Variants in MAOB observed in about 807,000 individuals in gnomAD.
MAOB encodes the protein amine oxidase [flavin-containing] B.
Under a neutral mutation model 41.9 loss-of-function variants are expected in MAOB, and 15 were observed. The observed-to-expected ratio is 0.36, with a 90% CI of 0.24 to 0.55. The LOEUF is 0.55. Among genes scored for constraint, MAOB ranks in the 20% least tolerant of loss-of-function variants. The pLI is 0.86. For missense variants in MAOB, 345 were observed against 398.7 expected (o/e 0.87, Z 1.15); for synonymous variants, 167 against 144.2 (o/e 1.16, Z -1.13).
intron 1 of MAOB, among the ~76,000 whole-genome samples, chrX:43,861,283 A>G (rs1238439541): frequency 8.9e-6 from 1 of 112,775 alleles, no homozygotes; most frequent in East Asian, 2.8e-4. Context: ...AGAGCAACTC[A>G]TTTTGCAAAG....
At chrX:43,771,894 G>T (rs2034190008) in intron 12 of MAOB, among the ~76,000 whole-genome samples, 1 of 111,831 alleles carries the variant, frequency 8.9e-6, no homozygotes, top group Non-Finnish European at 1.9e-5. Context: ...TTTTGCAGGT[G>T]CGTGAACAGA....
chrX:43,870,049 C>T (rs2035390672), intron 1 of MAOB, among the ~76,000 whole-genome samples: 1 of 112,023 alleles, frequency 8.9e-6, no homozygotes, highest in South Asian at 3.7e-4. Context: ...TGTGAGAAAT[C>T]CTACAGGAAG....
intron 1 of MAOB, among the ~76,000 whole-genome samples, chrX:43,861,856 C>CGTGTGT (rs112289658): frequency 7.1e-4 from 73 of 103,172 alleles, no homozygotes; most frequent in African/African-American, 2.4e-3. Flanking sequence ...CCAGCTGAAA[C>CGTGTGT]GTGTGTGTGT....
chrX:43,793,060 TAAG>T (rs2034482265), intron 8 of MAOB, among the ~76,000 whole-genome samples: 1 of 112,354 alleles, frequency 8.9e-6, no homozygotes, highest in East Asian at 2.8e-4. Flanking sequence ...ACTATTATCC[TAAG>T]TGAATCAATG....
At chrX:43,776,865 G>T (rs1243527010) in intron 11 of MAOB, among the ~76,000 whole-genome samples, 1 of 104,588 alleles carries the variant, frequency 9.6e-6, no homozygotes, top group Non-Finnish European at 1.9e-5. Context: ...GCAGTGTTTG[G>T]TTTTTTGTCC....
At chrX:43,776,675 A>C (rs1446775866) in intron 11 of MAOB, among the ~76,000 whole-genome samples, 1 of 110,418 alleles carries the variant, frequency 9.1e-6, no homozygotes, top group Non-Finnish European at 1.9e-5. Context: ...TTAGTTACAT[A>C]TGTATACATG....
At chrX:43,828,605 T>C (rs569897038) in intron 3 of MAOB, among the ~76,000 whole-genome samples, 4 of 111,604 alleles carry the variant, frequency 3.6e-5, no homozygotes, top group African/African-American at 1.3e-4. Context: ...GTTGAGGGCC[T>C]GCCCCGCAAT....
chrX:43,880,722 T>C (rs1602042422), intron 1 of MAOB, among the ~76,000 whole-genome samples: 1 of 112,215 alleles, frequency 8.9e-6, no homozygotes, highest in East Asian at 2.8e-4. Context: ...GAGTCTAACA[T>C]GAGTAATGTG....
chrX:43,867,389 G>T (rs865798551), intron 1 of MAOB, among the ~76,000 whole-genome samples: 2 of 112,042 alleles, frequency 1.8e-5, no homozygotes, highest in Non-Finnish European at 1.9e-5. Flanking sequence ...CATAGCCCAA[G>T]AAACTAGAAA....
chrX:43,845,474 T>C (rs1235608299), intron 1 of MAOB, among the ~76,000 whole-genome samples: 1 of 111,261 alleles, frequency 9.0e-6, no homozygotes, highest in East Asian at 2.9e-4. Context: ...TACGACCCCA[T>C]GAGATAAGTA....
chrX:43,785,360 A>G (rs1346977636), intron 8 of MAOB, among the ~76,000 whole-genome samples: 2 of 112,113 alleles, frequency 1.8e-5, no homozygotes, highest in African/African-American at 3.2e-5. Context: ...TTCAACTTCA[A>G]TTGAAGAGAG....
Position 43,803,285 on chromosome X carries a change from T to A in MAOB, c.384+15A>T. On this transcript the variant is annotated intron_variant, in intron 4 of 14. Coordinates refer to ENST00000378069, the MANE Select transcript of MAOB (RefSeq NM_000898.5). ...ATTACAAAAAAGAATACAAATATAG[T>A]CAAAGAAGCTTTACCTCTCGCCCCA... is the stretch of plus-strand genomic sequence containing the variant. 1.8e-6 allele frequency: 2 copies of A among 1,121,631 alleles called. No individual in the cohort carries two copies. Among genetic ancestry groups the A allele is most frequent in the Admixed American group, 3.4e-5 (1 of 29,284 alleles). The allele number at this position is 1,121,631 out of a possible 1,213,427, so 92.4% of individuals were successfully genotyped here. A position where few individuals can be genotyped will look rare whatever the true frequency, so the allele number is the denominator to read the frequency against.
chrX:43,843,951 G>T, intron 1 of MAOB, 187 bp from the exon 2 acceptor site: 1 of 967,964 alleles, frequency 1.0e-6, no homozygotes, highest in Non-Finnish European at 1.3e-6. Flanking sequence ...ACGACAAAAG[G>T]GATTTCATTT....
intron 8 of MAOB, among the ~76,000 whole-genome samples, chrX:43,788,562 CA>C (rs927848323): frequency 9.0e-6 from 1 of 111,210 alleles, no homozygotes; most frequent in African/African-American, 3.3e-5. Flanking sequence ...TGTATAATAG[CA>C]AAAACATGGA....
intron 8 of MAOB, among the ~76,000 whole-genome samples, chrX:43,783,778 T>C (rs2034365970): frequency 8.9e-6 from 1 of 111,816 alleles, no homozygotes; most frequent in African/African-American, 3.2e-5. Flanking sequence ...GCCACATCAA[T>C]TGACTCCTTT....
intron 8 of MAOB, among the ~76,000 whole-genome samples, chrX:43,782,985 C>T (rs997420982): frequency 8.9e-6 from 1 of 111,806 alleles, no homozygotes; most frequent in East Asian, 2.8e-4. Flanking sequence ...ATTGATGGAA[C>T]GTATCTCAAA....
In MAOB at chrX:43,823,315, GGTGT is replaced by G. The variant is rs1473823773; in HGVS notation, c.279+15549_279+15552del. Among the ~76,000 whole-genome samples, 3 of 108,336 alleles carry G rather than the reference GGTGT, an allele frequency of 2.8e-5. No individual in the cohort carries two copies. The East Asian group carries it at 8.7e-4, about 32-fold the overall frequency. The allele number at this position is 108,336 out of a possible 115,157, so 94.1% of individuals were successfully genotyped here. On this transcript the variant is annotated intron_variant, in intron 3 of 14. Transcript: ENST00000378069. ...AGCCTCCCAAGTAATTGGGATTACAGGTGTGTGCCACCACACCCGGCTAATTTTT... is the reference window on the plus strand; with the variant it reads ...AGCCTCCCAAGTAATTGGGATTACAGGTGCCACCACACCCGGCTAATTTTT...
At chrX:43,854,893 G>A (rs73473887) in intron 1 of MAOB, among the ~76,000 whole-genome samples, 8,105 of 111,482 alleles carry the variant, frequency 0.073, 556 homozygotes, top group African/African-American at 0.22. Context: ...TAGCATTTTT[G>A]AAGTGTACAA....
chrX:43,846,862 CAAA>C (rs1435597986), intron 1 of MAOB, among the ~76,000 whole-genome samples: 1 of 111,021 alleles, frequency 9.0e-6, no homozygotes, highest in Non-Finnish European at 1.9e-5. Context: ...GCCATAGAAA[CAAA>C]AATATGAGAG....
Sources: allele counts gnomAD v4.1 joint callset (sites outside exome capture counted in the v4.1 genomes callset), GRCh38; gene constraint gnomAD v4.1.1; transcripts MANE v1.5; gene names NCBI Gene and HGNC (gene_info 2026-07-23, HGNC 2026-07-21).